The following DNAH10 variants were observed in gnomAD, a reference collection of about 807,000 sequenced individuals.
DNAH10 encodes axonemal beta dynein heavy chain 10.
Under a neutral mutation model 506.6 loss-of-function variants are expected in DNAH10, and 348 were observed. The ratio of observed to expected loss-of-function variants is 0.69; its 90% CI spans 0.63 to 0.75. DNAH10 has a LOEUF of 0.75. Among genes scored for constraint, DNAH10 ranks in the 30% least tolerant of loss-of-function variants. DNAH10 has a pLI of 0.00. For synonymous variants in DNAH10, 2,059 were observed against 2,198.6 expected (o/e 0.94, Z 1.78); for missense variants, 5,179 against 5,787.1 (o/e 0.89, Z 3.41).
At chr12:123,874,023 A>G (rs1952139002) in intron 46 of DNAH10, among the ~76,000 whole-genome samples, 1 of 152,096 alleles carries the variant, frequency 6.6e-6, no homozygotes, top group African/African-American at 2.4e-5. Flanking sequence ...TATTTAGATA[A>G]TAATACTGTT....
intron 51 of DNAH10, among the ~76,000 whole-genome samples, chr12:123,886,020 A>G (rs1026374099): frequency 6.6e-6 from 1 of 152,242 alleles, no homozygotes; most frequent in African/African-American, 2.4e-5. Flanking sequence ...TTTGTAAAAA[A>G]GGGAAAAACT....
chr12:123,789,327 A>C (rs1957989663), intron 10 of DNAH10, among the ~76,000 whole-genome samples: 1 of 152,080 alleles, frequency 6.6e-6, no homozygotes, highest in Non-Finnish European at 1.5e-5. Flanking sequence ...TTACCAGAAC[A>C]GTGGAAACGC....
rs2136973905 is a variant in DNAH10 at position 123,871,614 on chromosome 12, T to C, written c.7785+12T>C. 6.5e-7 allele frequency: 1 copy of C among 1,546,940 alleles called. No homozygotes were observed. The highest frequency in any genetic ancestry group is 8.7e-7 in the Non-Finnish European group (1 of 1,146,826). On this transcript the variant is annotated intron_variant, in intron 45 of 78. Transcript: ENST00000673944. ...GTGAAGAAACTAACGTAAGTCATTA[T>C]TCATATGAATTATCTATTGCTGTGT...
Position 123,867,930 on chromosome 12 carries a change from G to T in DNAH10, c.7330G>T (p.Ala2444Ser). ...AACCCAGTTAGCCAAGATGTTGGAT[G>T]CGTTGCTAGAAGGAGAAATAGAAGA... ...MVTQLAKMLDALLEGEIEDLD... is the reference protein window; with the variant it reads ...MVTQLAKMLDSLLEGEIEDLD... The change falls in exon 43 of 79, where the codon GCG becomes TCG. Residue 2444 changes from alanine (A) to serine (S), a missense_variant. Physicochemically the swap from Ala to Ser is moderately conservative, Grantham distance 99. This residue lies in a region of DNAH10 where 4,844 missense variants were observed against 5,430.5 expected (regional missense o/e 0.89). Transcript: ENST00000673944. The T allele has an allele frequency of 6.2e-7, 1 of 1,613,778 alleles. No homozygotes were observed. Among genetic ancestry groups the T allele is most frequent in the Non-Finnish European group, 8.5e-7 (1 of 1,179,794 alleles).
intron 58 of DNAH10, among the ~76,000 whole-genome samples, chr12:123,910,323 G>A (rs1954007336): frequency 6.6e-6 from 1 of 152,200 alleles, no homozygotes; most frequent in African/African-American, 2.4e-5. Flanking sequence ...CGTCCTGGGT[G>A]GCAGTAAACC....
intron 29 of DNAH10, among the ~76,000 whole-genome samples, chr12:123,839,660 C>CT (rs1341595657): frequency 1.5e-3 from 175 of 113,484 alleles, no homozygotes; most frequent in African/African-American, 4.2e-3. Flanking sequence ...ATTTTCTTTT[C>CT]TATTTTTTTT....
rs1052739491 is a variant in DNAH10, at chr12:123,917,526, C to T, written c.11003-58C>T. 1.4e-5 allele frequency: 21 copies of T among 1,504,344 alleles called. No individual in the cohort carries two copies. The highest frequency in any genetic ancestry group is 2.8e-5 in the African/African-American group (2 of 72,196). The allele number at this position is 1,504,344 out of a possible 1,614,324, so 93.2% of individuals were successfully genotyped here. On this transcript the variant is annotated intron_variant, in intron 63 of 78. Transcript: ENST00000673944. The surrounding 1 kb of genome is among the most constrained non-coding windows in gnomAD (Gnocchi z 5.6). ...AGCTTGTCCCGTCACAGCAGGGCAG[C>T]GGGAGAGACTGTTGTTGGGGGCCGC...
Position 123,879,354 on chromosome 12 carries a change from G to T in DNAH10, c.8463G>T (p.Gln2821His), listed in dbSNP as rs758981726. ...HDRLISETDK[Q>H]LVQQHIGSLV... Reference sequence around the variant, plus strand: ...GGCTGATCAGTGAAACAGACAAGCAGCTGGTCAGTACATCCAATGCTTCTT... The same window carrying T: ...GGCTGATCAGTGAAACAGACAAGCATCTGGTCAGTACATCCAATGCTTCTT... The change falls in exon 49 of 79, where the codon CAG becomes CAT. Residue 2821 changes from glutamine (Q) to histidine (H), a missense_variant. Gln to His is a conservative substitution (Grantham distance 24, BLOSUM62 0). Around this residue, in one of 3 missense-constraint regions of DNAH10, gnomAD observed 4,844 missense variants for 5,430.5 expected, o/e 0.89. Coordinates refer to ENST00000673944, the MANE Select transcript of DNAH10 (RefSeq NM_001372106.1). The T allele has an allele frequency of 3.8e-6, 6 of 1,563,298 alleles. No homozygotes were observed. In the Admixed American group the frequency reaches 1.1e-4, roughly 30 times the overall value.
At position 123,801,373 on chromosome 12, in the gene DNAH10, C is replaced by T. The variant is rs201967312; in HGVS notation, c.2555C>T (p.Ser852Phe). Residue 852 changes from serine (S) to phenylalanine (F), a missense_variant, in exon 16 of 79, where the codon TCC becomes TTC. This residue lies in a region of DNAH10 where 4,844 missense variants were observed against 5,430.5 expected (regional missense o/e 0.89). Transcript: ENST00000673944. The stretch of plus-strand genomic sequence containing the variant: ...GAGTCTGTGCTTCTCAAAGATCATT[C>T]CCAGGAACTGCTCCGAGTGTTTAGG... ...DAESVLLKDH[S>F]QELLRVFRSG... 9.8e-5 allele frequency: 158 copies of T among 1,613,996 alleles called. 1 individual carries two copies. The Middle Eastern group carries it at 1.2e-3, about 12-fold the overall frequency.
chr12:123,777,595 T>C (rs1481932754), intron 5 of DNAH10, among the ~76,000 whole-genome samples: 2 of 152,266 alleles, frequency 1.3e-5, no homozygotes, highest in Admixed American at 1.3e-4. Flanking sequence ...TTTTCTAGTG[T>C]GACTTTGGAG....
chr12:123,864,543 A>G (rs992687013), intron 39 of DNAH10, 52 bp from the exon 40 acceptor site: 238 of 1,584,380 alleles, frequency 1.5e-4, no homozygotes, highest in Non-Finnish European at 1.8e-4. Context: ...ACCAAGTTCC[A>G]TAATTGGAAG....
At chr12:123,789,775 G>A (rs1278716593) in intron 10 of DNAH10, 152 bp from the exon 11 acceptor site, 1 of 678,216 alleles carries the variant, frequency 1.5e-6, no homozygotes, top group East Asian at 2.8e-5. Context: ...ATGTGCCTTG[G>A]GCATCGTACC....
In DNAH10 at chr12:123,903,404, T is replaced by C. The variant is rs527612089; in HGVS notation, c.9815+291T>C. On this transcript the variant is annotated intron_variant, in intron 57 of 78. Coordinates refer to ENST00000673944, the MANE Select transcript of DNAH10 (RefSeq NM_001372106.1). The surrounding 1 kb of genome is among the most constrained non-coding windows in gnomAD (Gnocchi z 4.6). Reference sequence around the variant, plus strand: ...AGGATGGAGTGGGGTAAAACAGTGCTCTTCACGGAACATGCGGGGGCAAGT... The same window carrying C: ...AGGATGGAGTGGGGTAAAACAGTGCCCTTCACGGAACATGCGGGGGCAAGT... Among the ~76,000 whole-genome samples, 39 of 152,266 alleles carry C rather than the reference T, an allele frequency of 2.6e-4. 1 individual carries two copies. The South Asian group carries it at 8.1e-3, about 32-fold the overall frequency.
chr12:123,894,082 C>CTTT (rs558490981), intron 53 of DNAH10, among the ~76,000 whole-genome samples: 1,803 of 89,042 alleles, frequency 0.02, 250 homozygotes, highest in African/African-American at 0.074. Flanking sequence ...AATGAGCATC[C>CTTT]TTTTTTTTTT....
chr12:123,934,620 G>A lies in DNAH10; in HGVS notation c.13478-1G>A. 1.2e-6 allele frequency: 2 copies of A among 1,613,214 alleles called. No homozygotes were observed. Among genetic ancestry groups the A allele is most frequent in the Non-Finnish European group, 1.7e-6 (2 of 1,179,590 alleles). ...ATCCAGTCTCTGCCTTGTGTCCCTA[G>A]GATGCTTTGTCTCAGGACTGTACCT... On this transcript the variant is annotated splice_acceptor_variant, in intron 77 of 78. Transcript: ENST00000673944. LOFTEE classifies it high-confidence loss of function.
intron 42 of DNAH10, 123 bp downstream of exon 42, chr12:123,867,724 A>G (rs1951867656): frequency 1.2e-5 from 17 of 1,452,554 alleles, no homozygotes; most frequent in Admixed American, 2.2e-5. Context: ...GTCAGTGCCA[A>G]GGCGGGCGCC....
chr12:123,857,289 T>TC, intron 37 of DNAH10, 42 bp downstream of exon 37: 1 of 1,464,404 alleles, frequency 6.8e-7, no homozygotes, highest in South Asian at 1.5e-5. Context: ...GTGCATCCTT[T>TC]CCATTGGCTT....
intron 1 of DNAH10, among the ~76,000 whole-genome samples, chr12:123,767,349 T>G (rs1427945950): frequency 3.3e-5 from 5 of 152,238 alleles, no homozygotes; most frequent in Non-Finnish European, 7.3e-5. Context: ...CTTGGTTATT[T>G]GTATTTCTTC....
intron 19 of DNAH10, among the ~76,000 whole-genome samples, chr12:123,811,493 T>C (rs956633344): frequency 6.6e-5 from 10 of 150,718 alleles, no homozygotes; most frequent in Non-Finnish European, 1.5e-4. Context: ...CAGATAATTT[T>C]TGTATTTTTA....
Sources: gnomAD v4.1 joint callset for allele counts (sites outside exome capture counted in the v4.1 genomes callset) on GRCh38, gnomAD v4.1.1 for gene constraint, gnomAD v4.1.1 regional missense constraint, Gnocchi (gnomAD v3.1) non-coding constraint, MANE v1.5 for transcripts, NCBI Gene and HGNC (gene_info 2026-07-23, HGNC 2026-07-21) for gene names.